Variants in IGF2BP3 observed in about 807,000 individuals in gnomAD.
IGF2BP3 encodes insulin-like growth factor 2 mRNA-binding protein 3.
A neutral mutation model predicts 73.8 loss-of-function variants in IGF2BP3; 9 were observed. The observed-to-expected ratio is 0.12, with a 90% CI of 0.07 to 0.21. IGF2BP3 has a LOEUF of 0.21. IGF2BP3 is among the 10% of genes least tolerant of loss of function. IGF2BP3 has a pLI of 1.00. For synonymous variants in IGF2BP3, 258 were observed against 256.7 expected (o/e 1.01, Z -0.05); for missense variants, 542 against 714.0 (o/e 0.76, Z 2.75).
intron 2 of IGF2BP3, among the ~76,000 whole-genome samples, chr7:23,443,702 A>G (rs1407733517): frequency 6.6e-5 from 10 of 152,050 alleles, no homozygotes; most frequent in Non-Finnish European, 7.4e-5. Flanking sequence ...AGCAAAAATA[A>G]AAAATAAAAT....
intron 2 of IGF2BP3, among the ~76,000 whole-genome samples, chr7:23,452,281 G>A (rs1169206586): frequency 6.6e-6 from 1 of 151,924 alleles, no homozygotes; most frequent in Non-Finnish European, 1.5e-5. Context: ...TGGAATTACA[G>A]GCGTGAGCCA....
chr7:23,374,457 A>G (rs1785654810), intron 3 of IGF2BP3, among the ~76,000 whole-genome samples: 1 of 152,070 alleles, frequency 6.6e-6, no homozygotes, highest in East Asian at 1.9e-4. Flanking sequence ...CAAGGGATCA[A>G]TTGAGGCCAA....
intron 10 of IGF2BP3, among the ~76,000 whole-genome samples, chr7:23,323,635 C>G (rs1472972524): frequency 6.6e-6 from 1 of 151,684 alleles, no homozygotes; most frequent in Admixed American, 6.6e-5. Context: ...CAGCACCACA[C>G]CACACCTATT....
At chr7:23,344,118 A>T (rs908824159) in intron 8 of IGF2BP3, among the ~76,000 whole-genome samples, 2 of 152,236 alleles carry the variant, frequency 1.3e-5, no homozygotes, top group African/African-American at 4.8e-5. Flanking sequence ...CCATATTTTA[A>T]ATAAAGCTTA....
intron 2 of IGF2BP3, among the ~76,000 whole-genome samples, chr7:23,463,660 C>G (rs1788499593): frequency 6.6e-6 from 1 of 152,200 alleles, no homozygotes; most frequent in Non-Finnish European, 1.5e-5. Flanking sequence ...AGCCAAGATT[C>G]TCGATTTCCA....
At chr7:23,461,163 C>T (rs2128551447) in intron 2 of IGF2BP3, among the ~76,000 whole-genome samples, 1 of 152,204 alleles carries the variant, frequency 6.6e-6, no homozygotes, top group Admixed American at 6.5e-5. Flanking sequence ...TTACACCCTC[C>T]TTCTCCACAG....
At chr7:23,379,695 A>C (rs1208678865) in intron 3 of IGF2BP3, among the ~76,000 whole-genome samples, 8 of 152,174 alleles carry the variant, frequency 5.3e-5, no homozygotes, top group Admixed American at 6.5e-5. Flanking sequence ...AGATACTACA[A>C]AACAAAATCT....
At chr7:23,318,829 T>A (rs553080162) in intron 11 of IGF2BP3, among the ~76,000 whole-genome samples, 32 of 152,294 alleles carry the variant, frequency 2.1e-4, no homozygotes, top group African/African-American at 7.7e-4. Flanking sequence ...GAGCACTGAA[T>A]GGTGTCAATC....
intron 5 of IGF2BP3, among the ~76,000 whole-genome samples, chr7:23,353,463 T>C (rs181744039): frequency 7.9e-5 from 12 of 152,290 alleles, no homozygotes; most frequent in African/African-American, 2.4e-4. Flanking sequence ...TGAACTCTTA[T>C]TGTAAAAGAT....
intron 12 of IGF2BP3, among the ~76,000 whole-genome samples, chr7:23,315,501 C>A (rs886614285): frequency 6.6e-6 from 1 of 152,140 alleles, no homozygotes; most frequent in Non-Finnish European, 1.5e-5. Flanking sequence ...CTATTACATA[C>A]AGCAAAGCAG....
intron 5 of IGF2BP3, among the ~76,000 whole-genome samples, chr7:23,354,526 C>T (rs1785044145): frequency 6.6e-6 from 1 of 152,114 alleles, no homozygotes; most frequent in Non-Finnish European, 1.5e-5. Flanking sequence ...GTGAGATAGA[C>T]ACATACAGAT....
intron 3 of IGF2BP3, among the ~76,000 whole-genome samples, chr7:23,372,189 C>T (rs1296421155): frequency 6.6e-6 from 1 of 152,040 alleles, no homozygotes; most frequent in East Asian, 1.9e-4. Flanking sequence ...ATTCTTCTGC[C>T]TCAGCCTCCC....
intron 10 of IGF2BP3, among the ~76,000 whole-genome samples, chr7:23,333,652 A>G (rs1301404343): frequency 2.0e-5 from 3 of 152,258 alleles, no homozygotes; most frequent in African/African-American, 2.4e-5. Context: ...TGAAGAATCA[A>G]TGTGTAGACT....
chr7:23,357,653 C>T (rs147963836), intron 5 of IGF2BP3, among the ~76,000 whole-genome samples: 361 of 152,324 alleles, frequency 2.4e-3, no homozygotes, highest in African/African-American at 8.0e-3. Context: ...TCACTAAACA[C>T]ATACTTCCAT....
intron 2 of IGF2BP3, among the ~76,000 whole-genome samples, chr7:23,445,646 G>A (rs1014146412): frequency 2.0e-5 from 3 of 152,156 alleles, no homozygotes; most frequent in South Asian, 2.1e-4. Flanking sequence ...CTGAAGAAGC[G>A]TGTAACAATG....
intron 3 of IGF2BP3, among the ~76,000 whole-genome samples, chr7:23,409,399 G>T (rs1562734817): frequency 6.6e-6 from 1 of 152,152 alleles, no homozygotes; most frequent in African/African-American, 2.4e-5. Flanking sequence ...GTATAGACTT[G>T]CTGGTTCCAA....
intron 5 of IGF2BP3, chr7:23,361,318 T>C (rs913066187): frequency 2.0e-6 from 1 of 489,862 alleles, no homozygotes; most frequent in African/African-American, 1.9e-5. Context: ...ATTATTGGCA[T>C]TAAAGATATA....
At chr7:23,452,531 T>A (rs1648051293) in intron 2 of IGF2BP3, among the ~76,000 whole-genome samples, 1 of 151,996 alleles carries the variant, frequency 6.6e-6, no homozygotes, top group African/African-American at 2.4e-5. Flanking sequence ...CCCCCAGGCG[T>A]GGTGGCTCAT....
Position 23,318,910 on chromosome 7 carries a change from T to A in IGF2BP3, c.1320+228A>T, listed in dbSNP as rs1784062356. The stretch of plus-strand genomic sequence containing the variant: ...AAGGAACTTAGGTCCAAGGACTTGG[T>A]GGGGGCAGAGCCAACACCCAGCCCG... On this transcript the variant is annotated intron_variant, in intron 11 of 14. Coordinates refer to ENST00000258729, the MANE Select transcript of IGF2BP3 (RefSeq NM_006547.3). Among the ~76,000 whole-genome samples the A allele has an allele frequency of 2.6e-5, 4 of 152,232 alleles. No homozygotes were observed. In the South Asian group the frequency reaches 8.3e-4, roughly 32 times the overall value.
Sources: gnomAD v4.1 joint callset for allele counts (sites outside exome capture counted in the v4.1 genomes callset) on GRCh38, gnomAD v4.1.1 for gene constraint, MANE v1.5 for transcripts, NCBI Gene and HGNC (gene_info 2026-07-23, HGNC 2026-07-21) for gene names.